FGF1: variants seen among roughly 807,000 people sequenced by gnomAD.
FGF1 encodes fibroblast growth factor 1.
FGF1 carries 9 observed loss-of-function variants against 13.4 expected under a neutral mutation model. That is an observed-to-expected ratio of 0.67 (90% CI 0.40 to 1.17). The LOEUF is 1.17. FGF1 is among the 50% of genes most tolerant of loss of function. The pLI, the probability that FGF1 is intolerant of heterozygous loss-of-function variation, is 0.01. For missense variants in FGF1, 156 were observed against 192.7 expected (o/e 0.81, Z 1.13); for synonymous variants, 93 against 79.0 (o/e 1.18, Z -0.94).
At chr5:142,667,172 T>A (rs1300249071) in intron 1 of FGF1, among the ~76,000 whole-genome samples, 1 of 151,942 alleles carries the variant, frequency 6.6e-6, no homozygotes, top group Non-Finnish European at 1.5e-5. Flanking sequence ...TAGTCCCAGC[T>A]ACTCGGAAGG....
At chr5:142,687,375 T>G (rs552790384), upstream of FGF1, among the ~76,000 whole-genome samples, 1 of 152,182 alleles carries the variant, frequency 6.6e-6, no homozygotes, top group Non-Finnish European at 1.5e-5. Flanking sequence ...AAGGAGCTCG[T>G]GTCCTGTACT....
At chr5:142,696,773 C>T (rs1264475347) in intron 2 of FGF1, among the ~76,000 whole-genome samples, 1 of 152,176 alleles carries the variant, frequency 6.6e-6, no homozygotes, top group Non-Finnish European at 1.5e-5. Context: ...GGGTTTCAGT[C>T]CATGGTTACT....
chr5:142,662,657 A>C (rs2152003313), intron 1 of FGF1, among the ~76,000 whole-genome samples: 1 of 145,794 alleles, frequency 6.9e-6, no homozygotes, highest in Middle Eastern at 3.5e-3. Flanking sequence ...TTCATTCAGC[A>C]CATATTTTCT....
At chr5:142,625,158 C>T (rs1485173798) in intron 1 of FGF1, among the ~76,000 whole-genome samples, 1 of 152,150 alleles carries the variant, frequency 6.6e-6, no homozygotes, top group African/African-American at 2.4e-5. Flanking sequence ...ACACCAGACT[C>T]ATCAAGCCAT....
intron 1 of FGF1, among the ~76,000 whole-genome samples, chr5:142,667,687 C>G (rs949898290): frequency 6.6e-6 from 1 of 151,958 alleles, no homozygotes; most frequent in South Asian, 2.1e-4. Context: ...ATGACAGGAG[C>G]GGCTGTCCTC....
chr5:142,677,310 G>T (rs1394800893), intron 1 of FGF1, among the ~76,000 whole-genome samples: 2 of 152,162 alleles, frequency 1.3e-5, no homozygotes, highest in African/African-American at 4.8e-5. Flanking sequence ...GAGCTACATT[G>T]TCTGTCTCCA....
At chr5:142,608,566 A>G (rs1215204337) in intron 2 of FGF1, among the ~76,000 whole-genome samples, 1 of 102,244 alleles carries the variant, frequency 9.8e-6, no homozygotes, top group Non-Finnish European at 1.8e-5. Context: ...ATATATATAT[A>G]TATATATATA....
chr5:142,663,573 T>A (rs930082429), intron 1 of FGF1, among the ~76,000 whole-genome samples: 1 of 152,182 alleles, frequency 6.6e-6, no homozygotes, highest in African/African-American at 2.4e-5. Context: ...GGCAAGAAGA[T>A]ACTCCGTGAT....
At chr5:142,682,072 C>A (rs1037983972) in intron 1 of FGF1, among the ~76,000 whole-genome samples, 1 of 150,616 alleles carries the variant, frequency 6.6e-6, no homozygotes, top group East Asian at 1.9e-4. Flanking sequence ...TTGTAAGCAG[C>A]CTTTTCTCCT....
intron 1 of FGF1, among the ~76,000 whole-genome samples, chr5:142,642,873 C>T (rs1286858556): frequency 6.6e-6 from 1 of 152,166 alleles, no homozygotes; most frequent in African/African-American, 2.4e-5. Flanking sequence ...AACTGCTCTT[C>T]TGTTTTTTTT....
intron 1 of FGF1, among the ~76,000 whole-genome samples, chr5:142,633,014 A>G (rs929426030): frequency 6.6e-6 from 1 of 151,682 alleles, no homozygotes; most frequent in Non-Finnish European, 1.5e-5. Flanking sequence ...CCACCTCCCA[A>G]ATTCAAGTAA....
chr5:142,647,846 G>A (rs1463833033), intron 1 of FGF1, among the ~76,000 whole-genome samples: 1 of 152,162 alleles, frequency 6.6e-6, no homozygotes, highest in Non-Finnish European at 1.5e-5. Context: ...CACTTTGGGA[G>A]ACTGAGGTGG....
chr5:142,625,188 T>C (rs1762250924), intron 1 of FGF1, among the ~76,000 whole-genome samples: 2 of 152,136 alleles, frequency 1.3e-5, no homozygotes, highest in African/African-American at 4.8e-5. Context: ...AAGAGGGACA[T>C]AGATGCTTGC....
chr5:142,634,183 A>G (rs1763870030), intron 1 of FGF1, among the ~76,000 whole-genome samples: 1 of 135,480 alleles, frequency 7.4e-6, no homozygotes, highest in South Asian at 2.4e-4. Context: ...ACAGAGCGAG[A>G]CTCCATCTCA....
chr5:142,646,709 G>T (rs1472482907), intron 1 of FGF1, among the ~76,000 whole-genome samples: 8 of 151,974 alleles, frequency 5.3e-5, no homozygotes, highest in African/African-American at 1.9e-4. Flanking sequence ...GGCCTGGCTG[G>T]TCTTGAACTC....
At chr5:142,646,682 C>T (rs1469272185) in intron 1 of FGF1, among the ~76,000 whole-genome samples, 5 of 151,802 alleles carry the variant, frequency 3.3e-5, no homozygotes, top group African/African-American at 1.2e-4. Flanking sequence ...TTAGTAGAGA[C>T]GAGGTTTCAC....
intron 1 of FGF1, among the ~76,000 whole-genome samples, chr5:142,682,827 T>TCCCTC (rs1773967956): frequency 6.6e-6 from 1 of 152,134 alleles, no homozygotes; most frequent in African/African-American, 2.4e-5. Flanking sequence ...TGCTATTCCT[T>TCCCTC]CCCTCCCCTT....
chr5:142,690,398 CATG>C (rs1752006390), upstream of FGF1, among the ~76,000 whole-genome samples: 1 of 152,136 alleles, frequency 6.6e-6, no homozygotes, highest in Non-Finnish European at 1.5e-5. Flanking sequence ...ACTCTGTGCA[CATG>C]ATAACACTGC....
intron 1 of FGF1, among the ~76,000 whole-genome samples, chr5:142,663,257 A>G (rs2108866): frequency 0.3 from 45,655 of 151,636 alleles, 7,224 homozygotes; most frequent in African/African-American, 0.37. Context: ...AAGAAAAAAA[A>G]AAAAAAGAAA....
Sources: allele counts gnomAD v4.1 joint callset (sites outside exome capture counted in the v4.1 genomes callset), GRCh38; gene constraint gnomAD v4.1.1; transcripts MANE v1.5; gene names NCBI Gene and HGNC (gene_info 2026-07-23, HGNC 2026-07-21).